The following CFAP418 variants were observed in gnomAD, a reference collection of about 807,000 sequenced individuals.
CFAP418 encodes the protein cilia and flagella associated protein 418.
In CFAP418, 27 loss-of-function variants were observed where a neutral mutation model predicts 24.7. That is an observed-to-expected ratio of 1.09 (90% CI 0.81 to 1.51). The LOEUF is 1.51. Ranked by LOEUF, CFAP418 falls within the 40% of genes most tolerant of loss-of-function variation. The probability of loss-of-function intolerance (pLI) is 0.00; values close to 1 mark genes in which losing one functional copy is unlikely to be tolerated. For missense variants in CFAP418, 257 were observed against 255.2 expected (o/e 1.01, Z -0.05); for synonymous variants, 74 against 87.3 (o/e 0.85, Z 0.85).
chr8:95,251,551 T>G (rs1483373503), intron 5 of CFAP418, among the ~76,000 whole-genome samples: 1 of 152,136 alleles, frequency 6.6e-6, no homozygotes, highest in Non-Finnish European at 1.5e-5. Flanking sequence ...GGAAGGGTGT[T>G]GAGCAGGAGG....
In CFAP418 at chr8:95,246,557, G is replaced by A. The variant is rs1811624041; in HGVS notation, c.*1060C>T. ...GAACTATATAGTACATATGTAGCAG[G>A]GAGTTTGTGGCAGATTGGAAAGCTC... On this transcript the variant is annotated 3_prime_UTR_variant, in exon 6 of 6. Coordinates refer to ENST00000286688, the MANE Select transcript of CFAP418 (RefSeq NM_177965.4). 6.6e-6 allele frequency: 1 copy of A among 152,124 alleles called. No homozygotes were observed. The highest frequency in any genetic ancestry group is 1.5e-5 in the Non-Finnish European group (1 of 68,018). The allele number at this position is 152,124 out of a possible 1,614,324, so 9.4% of individuals were successfully genotyped here.
chr8:95,249,392 G>A (rs951857792), intron 5 of CFAP418, among the ~76,000 whole-genome samples: 3 of 152,186 alleles, frequency 2.0e-5, no homozygotes, highest in African/African-American at 7.2e-5. Flanking sequence ...TCTGGGTGTG[G>A]TGGGTCATGC....
At chr8:95,259,933 A>G (rs1670707181) in intron 3 of CFAP418, 28 bp from the exon 4 acceptor site, 4 of 1,537,296 alleles carry the variant, frequency 2.6e-6, no homozygotes, top group Non-Finnish European at 3.5e-6. Context: ...ATGCAAAAAT[A>G]TGAAGTTATA....
chr8:95,260,465 T>C lies in CFAP418; in HGVS notation c.308+3A>G. 6.3e-7 allele frequency: 1 copy of C among 1,582,254 alleles called. No homozygotes were observed. The highest frequency in any genetic ancestry group is 8.6e-7 in the Non-Finnish European group (1 of 1,166,454). ...ATAATTCACCAAAGCAATCTCAACTTACCTTTTACCAAGGCCTTCAATGGA... is the reference window on the plus strand; with the variant it reads ...ATAATTCACCAAAGCAATCTCAACTCACCTTTTACCAAGGCCTTCAATGGA... On this transcript the variant is annotated splice_donor_region_variant and intron_variant, in intron 3 of 5. Transcript: ENST00000286688.
Position 95,248,132 on chromosome 8 carries a change from G to A in CFAP418, c.471-362C>T, listed in dbSNP as rs554168417. On this transcript the variant is annotated intron_variant, in intron 5 of 5. Coordinates refer to ENST00000286688, the MANE Select transcript of CFAP418 (RefSeq NM_177965.4). Reference sequence around the variant, plus strand: ...GCTGAGATTGCAGGCATGAACCATGGTGCCCAGCCTATTTTCTTATCTTCC... The same window carrying A: ...GCTGAGATTGCAGGCATGAACCATGATGCCCAGCCTATTTTCTTATCTTCC... Among the ~76,000 whole-genome samples the A allele has an allele frequency of 3.9e-5, 6 of 152,230 alleles. No homozygotes were observed. In the South Asian group the frequency reaches 6.2e-4, roughly 16 times the overall value.
chr8:95,263,759 A>T lies in CFAP418; in HGVS notation c.171T>A (p.Phe57Leu), dbSNP rs2132164418. ...AKETLRSTET[F>L]KKEDDLDSLI... is the part of the protein sequence containing the mutation. ...GACTGTCAAGATCATCTTCTTTTTT[A>T]AATGTTTCTGTTGATCTGAAAAGAA... Residue 57 changes from phenylalanine to leucine, a missense_variant, in exon 2 of 6, where the codon TTT becomes TTA. Transcript: ENST00000286688. 6.2e-7 allele frequency: 1 copy of T among 1,603,600 alleles called. No homozygotes were observed. The highest frequency in any genetic ancestry group is 1.3e-5 in the African/African-American group (1 of 74,838).
At chr8:95,252,425 T>C (rs920811288) in intron 4 of CFAP418, 142 bp from the exon 5 acceptor site, 3 of 593,816 alleles carry the variant, frequency 5.1e-6, no homozygotes, top group African/African-American at 1.9e-5. Context: ...AATCTGATTA[T>C]AAATCTTTAT....
intron 1 of CFAP418, chr8:95,268,751 C>CGGGCGGGGG (rs1198889147): frequency 8.8e-6 from 1 of 113,556 alleles, no homozygotes; most frequent in African/African-American, 6.7e-5. Flanking sequence ...GCGGGCTCTG[C>CGGGCGGGGG]GGGCGGGGCG....
intron 1 of CFAP418, among the ~76,000 whole-genome samples, chr8:95,266,354 A>G (rs888350247): frequency 1.3e-5 from 2 of 152,054 alleles, no homozygotes; most frequent in Non-Finnish European, 2.9e-5. Flanking sequence ...TACTAATCAC[A>G]TATTTCTTTT....
Position 95,245,262 on chromosome 8 carries a change from T to C in CFAP418, c.*2355A>G, listed in dbSNP as rs1811598662. 2 of 152,192 alleles carry C rather than the reference T, an allele frequency of 1.3e-5. No individual in the cohort carries two copies. The highest frequency in any genetic ancestry group is 1.3e-4 in the Admixed American group (2 of 15,282). 9.4% of individuals were successfully genotyped at this position (152,192 alleles called of 1,614,324 possible). ...ATCTGACTGTATATAAACATAATAT[T>C]CTTTCTACATTTTAGTTTAAAATAG... On this transcript the variant is annotated 3_prime_UTR_variant, in exon 6 of 6. Transcript: ENST00000286688.
rs1336304031 is a variant in CFAP418 at position 95,255,581 on chromosome 8, A to T, written c.375-3298T>A. Among the ~76,000 whole-genome samples the T allele has an allele frequency of 3.3e-5, 5 of 152,228 alleles. No homozygotes were observed. In the East Asian group the frequency reaches 9.6e-4, roughly 29 times the overall value. Reference sequence around the variant, plus strand: ...TAAATACTTATTTGTGGAATAATCTATTTAAAGCCCATCTCCTCATCTAGA... The same window carrying T: ...TAAATACTTATTTGTGGAATAATCTTTTTAAAGCCCATCTCCTCATCTAGA... On this transcript the variant is annotated intron_variant, in intron 4 of 5. Transcript: ENST00000286688.
intron 1 of CFAP418, 32 bp from the exon 2 acceptor site, chr8:95,263,806 C>A: frequency 7.4e-7 from 1 of 1,343,884 alleles, no homozygotes; most frequent in South Asian, 1.2e-5. Context: ...AGAAAACTTA[C>A]CTGAGGTTTA....
intron 1 of CFAP418, 84 bp from the exon 2 acceptor site, chr8:95,263,858 C>T: frequency 1.3e-6 from 1 of 748,742 alleles, no homozygotes; most frequent in Non-Finnish European, 2.3e-6. Flanking sequence ...TGCTTAAAGT[C>T]CATTATTAGA....
chr8:95,254,345 T>C (rs1241820559), intron 4 of CFAP418, among the ~76,000 whole-genome samples: 1 of 152,252 alleles, frequency 6.6e-6, no homozygotes, highest in East Asian at 1.9e-4. Context: ...GCCAGAGCTG[T>C]ATCTAGAAAT....
Position 95,253,878 on chromosome 8 carries a change from A to C in CFAP418, c.375-1595T>G, listed in dbSNP as rs546875759. ...AGTGTTAACTTTAATGCCTTAATAC[A>C]TATGTGCAATTTGGCTGAATTATTG... On this transcript the variant is annotated intron_variant, in intron 4 of 5. Coordinates refer to ENST00000286688, the MANE Select transcript of CFAP418 (RefSeq NM_177965.4). Among the ~76,000 whole-genome samples the C allele has an allele frequency of 1.6e-4, 24 of 152,348 alleles. No homozygotes were observed. The East Asian group carries it at 4.6e-3, about 29-fold the overall frequency.
chr8:95,262,848 T>C (rs1364031804), intron 2 of CFAP418, among the ~76,000 whole-genome samples: 2 of 152,132 alleles, frequency 1.3e-5, no homozygotes, highest in Non-Finnish European at 2.9e-5. Context: ...TTGTATGCCT[T>C]TTCTCCGATT....
At chr8:95,250,529 T>A (rs1450621182) in intron 5 of CFAP418, among the ~76,000 whole-genome samples, 1 of 152,226 alleles carries the variant, frequency 6.6e-6, no homozygotes, top group African/African-American at 2.4e-5. Context: ...GATAGTTTTA[T>A]AAAAATTCAT....
At chr8:95,262,121 C>T (rs1048812736) in intron 2 of CFAP418, among the ~76,000 whole-genome samples, 6 of 152,116 alleles carry the variant, frequency 3.9e-5, no homozygotes, top group African/African-American at 1.4e-4. Flanking sequence ...TGCGAAACCC[C>T]ACGTACAGAG....
intron 4 of CFAP418, among the ~76,000 whole-genome samples, chr8:95,252,606 G>C (rs765896168): frequency 6.6e-6 from 1 of 152,144 alleles, no homozygotes; most frequent in South Asian, 2.1e-4. Flanking sequence ...GAGGGAGATC[G>C]TCATATAAGC....
Sources: gnomAD v4.1 joint callset for allele counts (sites outside exome capture counted in the v4.1 genomes callset) on GRCh38, gnomAD v4.1.1 for gene constraint, MANE v1.5 for transcripts, NCBI Gene and HGNC (gene_info 2026-07-23, HGNC 2026-07-21) for gene names.